OPCML: variants seen among roughly 807,000 people sequenced by gnomAD.
OPCML encodes opioid-binding protein/cell adhesion molecule.
In OPCML, 13 loss-of-function variants were observed where a neutral mutation model predicts 37.8. The observed-to-expected ratio is 0.34, with a 90% CI of 0.22 to 0.55. The LOEUF (loss-of-function observed/expected upper bound fraction) is 0.55. Among genes scored for constraint, OPCML ranks in the 20% least tolerant of loss-of-function variants. The pLI, the probability that OPCML is intolerant of heterozygous loss-of-function variation, is 0.91. For missense variants in OPCML, 341 were observed against 435.6 expected, an observed-to-expected ratio of 0.78 and a Z score of 1.93; for synonymous variants, 176 against 168.8, an observed-to-expected ratio of 1.04 and a Z score of -0.33.
chr11:132,532,892 A>G (rs187915171), intron 3 of OPCML, among the ~76,000 whole-genome samples: 1 of 152,296 alleles, frequency 6.6e-6, no homozygotes, highest in Admixed American at 6.5e-5. Flanking sequence ...CAATATCACT[A>G]CAACTCCACC....
intron 1 of OPCML, among the ~76,000 whole-genome samples, chr11:133,229,982 A>T: frequency 6.6e-6 from 1 of 152,196 alleles, no homozygotes; most frequent in East Asian, 1.9e-4. Context: ...TGCCCAAGGC[A>T]ATAGCTTGAC....
At chr11:132,688,263 CAAAGAAAAAGAAGTTG>C (rs1442694468) in intron 2 of OPCML, among the ~76,000 whole-genome samples, 3 of 151,830 alleles carry the variant, frequency 2.0e-5, no homozygotes, top group Non-Finnish European at 4.4e-5. Context: ...ATATTCTTCG[CAAAGAAAAAGAAGTTG>C]AATGGATGAG....
intron 2 of OPCML, among the ~76,000 whole-genome samples, chr11:132,908,604 G>C (rs1190815963): frequency 1.3e-5 from 2 of 152,188 alleles, no homozygotes; most frequent in Non-Finnish European, 2.9e-5. Flanking sequence ...GAGTCTAGGA[G>C]ACTTGGACAA....
intron 3 of OPCML, among the ~76,000 whole-genome samples, chr11:132,620,911 T>A (rs142306953): frequency 3.1e-3 from 470 of 152,228 alleles, no homozygotes; most frequent in Middle Eastern, 6.8e-3. Context: ...GAGCCAGAGA[T>A]TTTGGAGGCT....
intron 1 of OPCML, among the ~76,000 whole-genome samples, chr11:133,076,759 T>C (rs1948627534): frequency 6.6e-6 from 1 of 152,090 alleles, no homozygotes; most frequent in African/African-American, 2.4e-5. Flanking sequence ...AGAAGCTAAG[T>C]GACTCTCCAG....
chr11:132,490,926 CCT>C (rs1274035516), intron 4 of OPCML, among the ~76,000 whole-genome samples: 1 of 152,130 alleles, frequency 6.6e-6, no homozygotes, highest in African/African-American at 2.4e-5. Context: ...TACAAACTGC[CCT>C]CTGTTTCCTT....
chr11:132,757,374 A>G (rs550390554), intron 2 of OPCML, among the ~76,000 whole-genome samples: 100 of 152,336 alleles, frequency 6.6e-4, no homozygotes, highest in African/African-American at 2.3e-3. Context: ...AGGAATCACC[A>G]CACTGCCTTC....
chr11:132,627,783 A>G (rs1210213661), intron 3 of OPCML, among the ~76,000 whole-genome samples: 5 of 152,230 alleles, frequency 3.3e-5, no homozygotes, highest in Admixed American at 2.0e-4. Context: ...GGGAGCATCC[A>G]AGTTAAAGGG....
intron 1 of OPCML, among the ~76,000 whole-genome samples, chr11:133,510,886 TAC>T (rs918183059): frequency 1.3e-4 from 19 of 145,006 alleles, no homozygotes; most frequent in Admixed American, 2.7e-4. Context: ...GCCAGCCACA[TAC>T]ACACACACAC....
intron 2 of OPCML, among the ~76,000 whole-genome samples, chr11:132,682,611 CA>C (rs1196863350): frequency 6.6e-6 from 1 of 152,128 alleles, no homozygotes; most frequent in African/African-American, 2.4e-5. Flanking sequence ...TTTGTGCCCA[CA>C]GGGCAATAAA....
In OPCML at chr11:133,212,274, A is replaced by C. The variant is rs1330690004; in HGVS notation, c.62-269264T>G. On this transcript the variant is annotated intron_variant, in intron 1 of 7. Transcript: ENST00000524381. This position sits in a 1 kb window ranked among gnomAD's most constrained non-coding sequence, Gnocchi z 4.9. ...CACAAAGTCCTCCTAATAGTCCGTG[A>C]CAGCCTACACAGCTGGGCATCATCT... 6.6e-6 allele frequency among the ~76,000 whole-genome samples: 1 copy of C among 152,112 alleles called. No homozygotes were observed. The highest frequency in any genetic ancestry group is 1.5e-5 in the Non-Finnish European group (1 of 68,032).
intron 1 of OPCML, among the ~76,000 whole-genome samples, chr11:133,357,506 A>G (rs1258525951): frequency 6.6e-6 from 1 of 152,204 alleles, no homozygotes; most frequent in East Asian, 1.9e-4. Context: ...GCTTGAAGAC[A>G]CTGCTGAATT....
chr11:133,031,827 G>C (rs910220741), intron 1 of OPCML, among the ~76,000 whole-genome samples: 2 of 152,148 alleles, frequency 1.3e-5, no homozygotes, highest in African/African-American at 4.8e-5. Context: ...TTAGAACCAA[G>C]CTTTCAAATG....
intron 1 of OPCML, among the ~76,000 whole-genome samples, chr11:133,516,700 G>A (rs7114449): frequency 0.84 from 127,788 of 152,132 alleles, 54,367 homozygotes; most frequent in East Asian, 1. Context: ...GTGCAGAGCC[G>A]GGACAGAGCG....
chr11:132,426,860 G>A (rs1329060948), intron 7 of OPCML, among the ~76,000 whole-genome samples: 1 of 152,084 alleles, frequency 6.6e-6, no homozygotes, highest in Non-Finnish European at 1.5e-5. Context: ...GCTGCATTCA[G>A]GGGTGGCTCA....
intron 4 of OPCML, among the ~76,000 whole-genome samples, chr11:132,459,095 G>T (rs181085556): frequency 1.9e-3 from 295 of 152,188 alleles, no homozygotes; most frequent in African/African-American, 6.6e-3. Flanking sequence ...ATTCACTGAG[G>T]GCCTGAACAG....
intron 1 of OPCML, among the ~76,000 whole-genome samples, chr11:133,431,969 G>A (rs557038885): frequency 2.6e-5 from 4 of 152,060 alleles, no homozygotes; most frequent in East Asian, 3.9e-4. Context: ...AAGAGGAATC[G>A]TTATTACTAC....
rs1320245272 is a variant in OPCML at position 133,192,265 on chromosome 11, G to GT, written c.62-249256dup. ...TACTAATATCTTGATGGCCCTGAAT[G>GT]TTTTTCCAAATTTGGACAGGGAGGA... On this transcript the variant is annotated intron_variant, in intron 1 of 7. Coordinates refer to ENST00000524381, the MANE Select transcript of OPCML (RefSeq NM_001012393.5). Among the ~76,000 whole-genome samples the GT allele has an allele frequency of 2.4e-4, 37 of 152,262 alleles. No individual in the cohort carries two copies. In the South Asian group the frequency reaches 3.1e-3, roughly 13 times the overall value.
chr11:132,505,684 A>C (rs2096255199), intron 4 of OPCML, among the ~76,000 whole-genome samples: 1 of 152,232 alleles, frequency 6.6e-6, no homozygotes, highest in Non-Finnish European at 1.5e-5. Flanking sequence ...AGGCTTCAAA[A>C]AATCAAATCA....
Sources: gnomAD v4.1 joint callset for allele counts (sites outside exome capture counted in the v4.1 genomes callset) on GRCh38, gnomAD v4.1.1 for gene constraint, Gnocchi (gnomAD v3.1) non-coding constraint, MANE v1.5 for transcripts, NCBI Gene and HGNC (gene_info 2026-07-23, HGNC 2026-07-21) for gene names.